SCFD2: variants seen among roughly 807,000 people sequenced by gnomAD.
SCFD2 encodes the protein sec1 family domain containing 2, also known as sec1 family domain-containing protein 2.
Under a neutral mutation model 58.9 loss-of-function variants are expected in SCFD2, and 54 were observed. That is an observed-to-expected ratio of 0.92 (90% CI 0.74 to 1.15). SCFD2 has a LOEUF of 1.15. Among genes scored for constraint, SCFD2 ranks in the 50% most tolerant of loss-of-function variants. SCFD2 has a pLI of 0.00. For synonymous variants in SCFD2, 321 were observed against 335.9 expected, an observed-to-expected ratio of 0.96 and a Z score of 0.49; for missense variants, 805 against 836.6, an observed-to-expected ratio of 0.96 and a Z score of 0.47.
intron 4 of SCFD2, among the ~76,000 whole-genome samples, chr4:53,179,437 A>G (rs1045671679): frequency 9.2e-5 from 14 of 152,228 alleles, no homozygotes; most frequent in Non-Finnish European, 1.9e-4. Context: ...AACACTTTAC[A>G]GACAAGCAAA....
At chr4:53,000,459 C>A (rs1300416015) in intron 5 of SCFD2, among the ~76,000 whole-genome samples, 1 of 152,184 alleles carries the variant, frequency 6.6e-6, no homozygotes, top group Non-Finnish European at 1.5e-5. Context: ...AACCACCCAC[C>A]ATTCATGTTT....
chr4:53,139,207 C>T (rs1285925556), intron 5 of SCFD2, among the ~76,000 whole-genome samples: 5 of 152,208 alleles, frequency 3.3e-5, no homozygotes, highest in African/African-American at 9.7e-5. Flanking sequence ...GTGGTGTGAT[C>T]TCAGCTGGCT....
At chr4:53,071,620 G>T (rs2148849576) in intron 5 of SCFD2, among the ~76,000 whole-genome samples, 1 of 152,018 alleles carries the variant, frequency 6.6e-6, no homozygotes, top group East Asian at 1.9e-4. Context: ...ATGTTATCTT[G>T]CCAAAAGTTA....
intron 2 of SCFD2, among the ~76,000 whole-genome samples, chr4:53,336,924 G>GA (rs946509787): frequency 6.6e-6 from 1 of 151,910 alleles, no homozygotes; most frequent in Non-Finnish European, 1.5e-5. Flanking sequence ...TGGAGGAAAA[G>GA]AAAAAAAGAG....
At chr4:52,933,493 T>A (rs1720052087) in intron 5 of SCFD2, among the ~76,000 whole-genome samples, 1 of 152,212 alleles carries the variant, frequency 6.6e-6, no homozygotes, top group Non-Finnish European at 1.5e-5. Flanking sequence ...CCACAGCTGT[T>A]TTCATAGTTA....
chr4:53,106,615 CAG>C (rs1455300827), intron 5 of SCFD2, among the ~76,000 whole-genome samples: 2 of 152,086 alleles, frequency 1.3e-5, no homozygotes, highest in Non-Finnish European at 2.9e-5. Flanking sequence ...GAAAGGATAT[CAG>C]AGATTGAAGA....
intron 5 of SCFD2, among the ~76,000 whole-genome samples, chr4:53,012,170 C>T (rs954243852): frequency 1.3e-5 from 2 of 151,880 alleles, no homozygotes; most frequent in Non-Finnish European, 2.9e-5. Context: ...AAGTATGCAC[C>T]ATCAACAATG....
intron 4 of SCFD2, among the ~76,000 whole-genome samples, chr4:53,267,859 A>G (rs556804782): frequency 8.4e-4 from 128 of 152,368 alleles, no homozygotes; most frequent in African/African-American, 2.9e-3. Flanking sequence ...AAAATTAATT[A>G]CAAATAAAAA....
At chr4:53,258,577 T>TATATATATATATATAC (rs757658747) in intron 4 of SCFD2, among the ~76,000 whole-genome samples, 129 of 121,116 alleles carry the variant, frequency 1.1e-3, no homozygotes, top group East Asian at 1.8e-3. Context: ...TATATATATA[T>TATATATATATATATAC]ACACACACAT....
intron 1 of SCFD2, among the ~76,000 whole-genome samples, chr4:53,354,792 AT>A (rs57890239): frequency 3.3e-5 from 5 of 149,486 alleles, no homozygotes; most frequent in East Asian, 2.0e-4. Context: ...TTTTTCTTCT[AT>A]TTTTTTTTCT....
chr4:53,015,492 G>A (rs1266840451), intron 5 of SCFD2, among the ~76,000 whole-genome samples: 1 of 152,084 alleles, frequency 6.6e-6, no homozygotes, highest in East Asian at 1.9e-4. Flanking sequence ...GGAGAATCAG[G>A]GCAAGCTTCC....
At chr4:52,891,758 G>C (rs761801522) in intron 7 of SCFD2, among the ~76,000 whole-genome samples, 1 of 152,248 alleles carries the variant, frequency 6.6e-6, no homozygotes, top group Non-Finnish European at 1.5e-5. Flanking sequence ...ATTGCAAAAG[G>C]TTTCCATGCT....
intron 4 of SCFD2, among the ~76,000 whole-genome samples, chr4:53,202,400 C>A (rs950693003): frequency 1.6e-4 from 25 of 151,668 alleles, no homozygotes; most frequent in Non-Finnish European, 2.4e-4. Flanking sequence ...TGTTTTGGTA[C>A]CAGTACCATG....
At chr4:53,152,726 T>C (rs886730180) in intron 4 of SCFD2, among the ~76,000 whole-genome samples, 5 of 152,170 alleles carry the variant, frequency 3.3e-5, no homozygotes, top group African/African-American at 1.2e-4. Flanking sequence ...TCAAAGTAAG[T>C]TCCTTTCACT....
At chr4:53,122,363 C>T (rs185490640) in intron 5 of SCFD2, among the ~76,000 whole-genome samples, 7 of 151,270 alleles carry the variant, frequency 4.6e-5, no homozygotes, top group African/African-American at 7.3e-5. Context: ...GGTGACAGAG[C>T]GAGACTCCGT....
chr4:53,156,894 T>TTC (rs1397992191), intron 4 of SCFD2, among the ~76,000 whole-genome samples: 3 of 152,268 alleles, frequency 2.0e-5, no homozygotes, highest in Non-Finnish European at 4.4e-5. Context: ...AAGTAATCTC[T>TTC]TCTTTCATGC....
chr4:53,254,393 G>T (rs1730518653), intron 4 of SCFD2, among the ~76,000 whole-genome samples: 1 of 152,104 alleles, frequency 6.6e-6, no homozygotes, highest in South Asian at 2.1e-4. Context: ...GAAGATGCCT[G>T]CTTCTCCTTT....
rs193072637 is a variant in SCFD2 at position 53,118,930 on chromosome 4, T to G, written c.1561+26403A>C. On this transcript the variant is annotated intron_variant, in intron 5 of 8. Transcript: ENST00000401642. ...AAGCCACTTTGGGAAACAACTCTGA[T>G]AGAATTCACTGTTACTTAGTAGAGA... Among the ~76,000 whole-genome samples the G allele has an allele frequency of 6.4e-3, 978 of 152,284 alleles. 5 individuals carry two copies. Among genetic ancestry groups the G allele is most frequent in the Middle Eastern group, 0.017 (5 of 294 alleles).
At chr4:53,103,768 T>TAAAAAA (rs35959095) in intron 5 of SCFD2, among the ~76,000 whole-genome samples, 5 of 34,014 alleles carry the variant, frequency 1.5e-4, no homozygotes, top group African/African-American at 5.5e-4. Flanking sequence ...AGTAAGGAAG[T>TAAAAAA]AAAAAAAAAA....
Sources: allele counts gnomAD v4.1 joint callset (sites outside exome capture counted in the v4.1 genomes callset), GRCh38; gene constraint gnomAD v4.1.1; transcripts MANE v1.5; gene names NCBI Gene and HGNC (gene_info 2026-07-23, HGNC 2026-07-21).